SYT1: variants seen among roughly 807,000 people sequenced by gnomAD.
The protein encoded by SYT1 is synaptotagmin-1.
A neutral mutation model predicts 44.8 loss-of-function variants in SYT1; 8 were observed. The ratio of observed to expected loss-of-function variants is 0.18; its 90% CI spans 0.10 to 0.32. The LOEUF (loss-of-function observed/expected upper bound fraction) is 0.32. Ranked by LOEUF, SYT1 falls within the 10% of genes least tolerant of loss-of-function variation. The probability of loss-of-function intolerance (pLI) is 1.00; values close to 1 mark genes in which losing one functional copy is unlikely to be tolerated. For missense variants in SYT1, 286 were observed against 509.3 expected, an observed-to-expected ratio of 0.56 and a Z score of 4.22; for synonymous variants, 154 against 188.8, an observed-to-expected ratio of 0.82 and a Z score of 1.51.
At chr12:79,180,278 A>T (rs1872445126) in intron 3 of SYT1, among the ~76,000 whole-genome samples, 2 of 152,088 alleles carry the variant, frequency 1.3e-5, no homozygotes, top group African/African-American at 4.8e-5. Context: ...CAAGCATAAG[A>T]ATTCCTTACA....
At chr12:78,998,760 G>A (rs752744003) in intron 2 of SYT1, among the ~76,000 whole-genome samples, 4 of 152,094 alleles carry the variant, frequency 2.6e-5, no homozygotes, top group Non-Finnish European at 5.9e-5. Flanking sequence ...AATAATATGA[G>A]CTTCCTCATG....
intron 1 of SYT1, among the ~76,000 whole-genome samples, chr12:78,909,908 C>G (rs1876219437): frequency 1.3e-5 from 2 of 151,970 alleles, no homozygotes; most frequent in Non-Finnish European, 2.9e-5. Context: ...TGTACTCTCT[C>G]TTTAAATAAT....
intron 4 of SYT1, among the ~76,000 whole-genome samples, chr12:79,229,391 C>G (rs965739423): frequency 3.3e-5 from 5 of 152,276 alleles, no homozygotes; most frequent in Admixed American, 2.6e-4. Context: ...TGTTCAAATG[C>G]AGTATTACAT....
intron 1 of SYT1, among the ~76,000 whole-genome samples, chr12:78,946,762 C>T (rs1292134910): frequency 6.6e-6 from 1 of 151,880 alleles, no homozygotes; most frequent in African/African-American, 2.4e-5. Context: ...AATTCTTAAA[C>T]CCACTAAACT....
chr12:79,365,064 T>C (rs1156555127), intron 9 of SYT1, among the ~76,000 whole-genome samples: 1 of 152,084 alleles, frequency 6.6e-6, no homozygotes, highest in Non-Finnish European at 1.5e-5. Context: ...AGTAAAAAAG[T>C]AACTCAAATC....
At chr12:79,122,213 A>G (rs1329031137) in intron 3 of SYT1, among the ~76,000 whole-genome samples, 1 of 152,198 alleles carries the variant, frequency 6.6e-6, no homozygotes, top group Non-Finnish European at 1.5e-5. Context: ...AAAGAAGTCA[A>G]TAAAGAGATT....
At chr12:78,866,882 C>T (rs974377736) in intron 1 of SYT1, among the ~76,000 whole-genome samples, 20 of 151,986 alleles carry the variant, frequency 1.3e-4, no homozygotes, top group Admixed American at 2.6e-4. Context: ...TTTTTCACTA[C>T]GTACGTTTAA....
chr12:79,413,740 AT>A (rs1232177780), intron 9 of SYT1, among the ~76,000 whole-genome samples: 1 of 152,222 alleles, frequency 6.6e-6, no homozygotes, highest in Admixed American at 6.5e-5. Flanking sequence ...TAAATCAAGA[AT>A]TAATGTAAGA....
At chr12:79,020,650 A>G (rs1168811301) in intron 2 of SYT1, among the ~76,000 whole-genome samples, 1 of 151,902 alleles carries the variant, frequency 6.6e-6, no homozygotes, top group African/African-American at 2.4e-5. Flanking sequence ...AGATGGATAC[A>G]TCCATGAGTT....
At chr12:79,223,803 G>T (rs1482017436) in intron 4 of SYT1, among the ~76,000 whole-genome samples, 1 of 152,176 alleles carries the variant, frequency 6.6e-6, no homozygotes. Context: ...ACCAGTATAG[G>T]TCTTGAATAT....
chr12:79,193,367 C>T lies in SYT1; in HGVS notation c.-17-24136C>T, dbSNP rs549245557. Among the ~76,000 whole-genome samples, 41 of 152,068 alleles carry T rather than the reference C, an allele frequency of 2.7e-4. 1 individual carries two copies. Among genetic ancestry groups the T allele is most frequent in the Admixed American group, 1.4e-3 (22 of 15,262 alleles). On this transcript the variant is annotated intron_variant, in intron 3 of 10. Transcript: ENST00000261205. ...GAAAACAGTTGACTTAGAACTTAAA[C>T]CATTACAAGGATTAGGATAGTAAAT...
At chr12:78,981,533 C>T (rs1869262572) in intron 2 of SYT1, among the ~76,000 whole-genome samples, 1 of 152,176 alleles carries the variant, frequency 6.6e-6, no homozygotes, top group Non-Finnish European at 1.5e-5. Context: ...TGCATGCTAA[C>T]TCAGTGAGTG....
chr12:79,444,442 GA>G (rs576249987), intron 10 of SYT1, among the ~76,000 whole-genome samples: 60 of 152,138 alleles, frequency 3.9e-4, no homozygotes, highest in Non-Finnish European at 8.1e-4. Context: ...AATAAAGTAG[GA>G]AAAAGAAAAT....
At chr12:79,170,885 G>T (rs1871477512) in intron 3 of SYT1, among the ~76,000 whole-genome samples, 1 of 151,502 alleles carries the variant, frequency 6.6e-6, no homozygotes, top group Non-Finnish European at 1.5e-5. Context: ...ATATGGCAGG[G>T]GTCCAGCTTC....
chr12:79,363,918 C>T (rs1479432360), intron 9 of SYT1, among the ~76,000 whole-genome samples: 1 of 152,100 alleles, frequency 6.6e-6, no homozygotes, highest in Admixed American at 6.6e-5. Context: ...GGGATTGTGT[C>T]TACTTATGTC....
At chr12:79,226,427 T>C (rs1333810917) in intron 4 of SYT1, among the ~76,000 whole-genome samples, 3 of 152,166 alleles carry the variant, frequency 2.0e-5, no homozygotes, top group Non-Finnish European at 2.9e-5. Flanking sequence ...TCCCAAACCA[T>C]TGTCTTAGTC....
chr12:79,132,918 A>C (rs1409976804), intron 3 of SYT1, among the ~76,000 whole-genome samples: 1 of 152,178 alleles, frequency 6.6e-6, no homozygotes, highest in African/African-American at 2.4e-5. Flanking sequence ...TAGCCATAAA[A>C]AATAATAAAA....
chr12:79,114,906 G>A (rs1879195715), intron 3 of SYT1, among the ~76,000 whole-genome samples: 1 of 151,928 alleles, frequency 6.6e-6, no homozygotes, highest in South Asian at 2.1e-4. Context: ...GTAAAATGAA[G>A]ATTAAAATGT....
intron 3 of SYT1, among the ~76,000 whole-genome samples, chr12:79,119,305 T>C (rs1316514056): frequency 6.6e-6 from 1 of 152,174 alleles, no homozygotes; most frequent in Non-Finnish European, 1.5e-5. Context: ...TTTTGCTTTT[T>C]AAAAACCTTT....
Sources: allele counts gnomAD v4.1 joint callset (sites outside exome capture counted in the v4.1 genomes callset), GRCh38; gene constraint gnomAD v4.1.1; transcripts MANE v1.5; gene names NCBI Gene and HGNC (gene_info 2026-07-23, HGNC 2026-07-21).